The following RYR3 variants were observed in gnomAD, a reference collection of about 807,000 sequenced individuals.
RYR3 encodes ryanodine receptor 3.
A neutral mutation model predicts 584.3 loss-of-function variants in RYR3; 207 were observed. The ratio of observed to expected loss-of-function variants is 0.35; its 90% CI spans 0.32 to 0.40. RYR3 has a LOEUF of 0.40. Among genes scored for constraint, RYR3 ranks in the 10% least tolerant of loss-of-function variants. The pLI is 1.00. For synonymous variants in RYR3, 2,416 were observed against 2,248.5 expected, an observed-to-expected ratio of 1.07 and a Z score of -2.11; for missense variants, 5,616 against 6,089.2, an observed-to-expected ratio of 0.92 and a Z score of 2.59.
In RYR3 at chr15:33,810,981, G is replaced by A; in HGVS notation, c.10201G>A (p.Asp3401Asn). 6.2e-7 allele frequency: 1 copy of A among 1,606,872 alleles called. No individual in the cohort carries two copies. The highest frequency in any genetic ancestry group is 1.1e-5 in the South Asian group (1 of 88,846). The change falls in exon 72 of 104, where the codon GAC becomes AAC. Residue 3401 changes from aspartate (D) to asparagine (N), a missense_variant. Around this residue, in one of 9 missense-constraint regions of RYR3, gnomAD observed 954 missense variants for 1,132.2 expected, o/e 0.84. Transcript: ENST00000634891. ...SLAKSRYSHRDTDEEVREHLR... is the reference protein window; with the variant it reads ...SLAKSRYSHRNTDEEVREHLR... ...AATCTGACATCTCTTTCCACAGAGGGACACAGATGAAGAGGTCAGAGAACA... is the reference window on the plus strand; with the variant it reads ...AATCTGACATCTCTTTCCACAGAGGAACACAGATGAAGAGGTCAGAGAACA...
At chr15:33,783,011 T>G (rs547914689) in intron 65 of RYR3, among the ~76,000 whole-genome samples, 157 of 152,318 alleles carry the variant, frequency 1.0e-3, no homozygotes, top group Non-Finnish European at 1.9e-3. Context: ...GGAACTCTTT[T>G]CTCTTTGGTT....
intron 43 of RYR3, among the ~76,000 whole-genome samples, chr15:33,713,940 GA>G (rs1371734909): frequency 6.6e-6 from 1 of 152,100 alleles, no homozygotes; most frequent in Non-Finnish European, 1.5e-5. Flanking sequence ...TCGTCACCTG[GA>G]CAGTTAGGAT....
At chr15:33,788,141 C>T (rs767391587) in intron 66 of RYR3, 77 bp from the exon 67 acceptor site, 7 of 1,581,290 alleles carry the variant, frequency 4.4e-6, no homozygotes, top group Non-Finnish European at 6.1e-6. Flanking sequence ...TCCACGGCCT[C>T]ACCTTTCAGT....
At chr15:33,362,428 G>T (rs963269054) in intron 1 of RYR3, among the ~76,000 whole-genome samples, 1 of 152,148 alleles carries the variant, frequency 6.6e-6, no homozygotes, top group South Asian at 2.1e-4. Flanking sequence ...AGCAGCAGCA[G>T]CAGCAGCAGC....
In RYR3 at chr15:33,788,284, T is replaced by A; in HGVS notation, c.9656T>A (p.Leu3219Gln). The A allele has an allele frequency of 6.2e-7, 1 of 1,613,914 alleles. No homozygotes were observed. Among genetic ancestry groups the A allele is most frequent in the Non-Finnish European group, 8.5e-7 (1 of 1,179,856 alleles). ...CTGAGAAGCCACTTCATCCCAACTCTGGAGAAGCTGAAGAAAAAGGCTGTC... is the reference window on the plus strand; with the variant it reads ...CTGAGAAGCCACTTCATCCCAACTCAGGAGAAGCTGAAGAAAAAGGCTGTC... ...DLLRSHFIPT[L>Q]EKLKKKAVKT... Residue 3219 changes from leucine (L) to glutamine (Q), a missense_variant, in exon 67 of 104, where the codon CTG becomes CAG. By Grantham distance (113) the Leu-to-Gln change is moderately radical (BLOSUM62 -2). Transcript: ENST00000634891.
chr15:33,550,575 A>G (rs1351300498), intron 10 of RYR3, among the ~76,000 whole-genome samples: 1 of 152,256 alleles, frequency 6.6e-6, no homozygotes, highest in Non-Finnish European at 1.5e-5. Context: ...AGGAATGGAC[A>G]GTGTTGCTCA....
At chr15:33,664,138 C>G (rs535649748) in intron 36 of RYR3, among the ~76,000 whole-genome samples, 30 of 152,180 alleles carry the variant, frequency 2.0e-4, no homozygotes, top group African/African-American at 5.5e-4. Flanking sequence ...TCAACCTGCC[C>G]CTACTTATGA....
At position 33,722,690 on chromosome 15, in the gene RYR3, A is replaced by G. The variant is rs777439932; in HGVS notation, c.6620-25A>G. 21 of 1,605,564 alleles carry G rather than the reference A, an allele frequency of 1.3e-5. No individual in the cohort carries two copies. The Admixed American group carries it at 3.5e-4, about 27-fold the overall frequency. ...TCTGGGGTTGTCCTTTTCATTGAGA[A>G]GGAAACAGTGCCTGTCTTCCTCAGG... On this transcript the variant is annotated intron_variant, in intron 43 of 103. Coordinates refer to ENST00000634891, the MANE Select transcript of RYR3 (RefSeq NM_001036.6).
At chr15:33,795,006 T>C (rs747821164) in intron 67 of RYR3, among the ~76,000 whole-genome samples, 3 of 152,236 alleles carry the variant, frequency 2.0e-5, no homozygotes, top group Non-Finnish European at 2.9e-5. Context: ...TTCAAACCAT[T>C]TGAGCTCAAA....
At chr15:33,817,086 T>C in intron 75 of RYR3, 128 bp downstream of exon 75, 2 of 583,512 alleles carry the variant, frequency 3.4e-6, no homozygotes. Context: ...GCACTAACTG[T>C]GTAAGTGCTC....
At chr15:33,580,784 T>G (rs1450609079) in intron 13 of RYR3, among the ~76,000 whole-genome samples, 1 of 152,192 alleles carries the variant, frequency 6.6e-6, no homozygotes, top group Non-Finnish European at 1.5e-5. Flanking sequence ...ACAGGGCTTG[T>G]CCCTTGGGCA....
rs2071126318 is a variant in RYR3, at chr15:33,750,033, A to AAGCTGG, written c.8263_8268dup (p.Leu2755_Glu2756dup). The AAGCTGG allele has an allele frequency of 1.2e-6, 2 of 1,612,236 alleles. No individual in the cohort carries two copies. The highest frequency in any genetic ancestry group is 1.7e-6 in the Non-Finnish European group (2 of 1,179,332). On this transcript the variant is annotated inframe_insertion, in exon 56 of 104. Transcript: ENST00000634891. ...TCACAATATCTGGGCCAAGAAGAAG[A>AAGCTGG]AGCTGGAGCTGGAGAGCAAAGGTGA... is the stretch of plus-strand genomic sequence containing the variant.
intron 67 of RYR3, 97 bp from the exon 68 acceptor site, chr15:33,800,672 GA>G: frequency 1.2e-6 from 1 of 818,420 alleles, no homozygotes; most frequent in Non-Finnish European, 2.1e-6. Context: ...GTTTGATCTG[GA>G]TAAATGTATG....
chr15:33,518,587 A>G (rs998489803), intron 3 of RYR3, among the ~76,000 whole-genome samples: 3 of 152,152 alleles, frequency 2.0e-5, no homozygotes, highest in African/African-American at 7.2e-5. Context: ...CCAGTCGGTT[A>G]TCCTCCCATT....
At chr15:33,735,106 T>G (rs2069328680) in intron 48 of RYR3, among the ~76,000 whole-genome samples, 1 of 152,228 alleles carries the variant, frequency 6.6e-6, no homozygotes, top group Non-Finnish European at 1.5e-5. Flanking sequence ...AAACTGATAC[T>G]TAACTAGGTT....
chr15:33,463,915 C>CA (rs2142100120), intron 1 of RYR3, among the ~76,000 whole-genome samples: 1 of 152,290 alleles, frequency 6.6e-6, no homozygotes, highest in South Asian at 2.1e-4. Flanking sequence ...CAGATGAGAC[C>CA]AAAGACTGGA....
At chr15:33,810,834 G>A in intron 71 of RYR3, 144 bp from the exon 72 acceptor site, 1 of 1,071,642 alleles carries the variant, frequency 9.3e-7, no homozygotes, top group South Asian at 1.5e-5. Context: ...TGCCCTTTGG[G>A]ACAAATCTCC....
rs540108910 is a variant in RYR3 at position 33,425,893 on chromosome 15, T to A, written c.52-47526T>A. Among the ~76,000 whole-genome samples, 266 of 152,212 alleles carry A rather than the reference T, an allele frequency of 1.7e-3. 1 individual carries two copies. The highest frequency in any genetic ancestry group is 6.0e-3 in the African/African-American group (248 of 41,532). Reference sequence around the variant, plus strand: ...TCCTGACCTCGTGATCCGCCCGCCTTGGCCTCCCAAAGTGCTCGGATTACA... The same window carrying A: ...TCCTGACCTCGTGATCCGCCCGCCTAGGCCTCCCAAAGTGCTCGGATTACA... On this transcript the variant is annotated intron_variant, in intron 1 of 103. Transcript: ENST00000634891.
intron 87 of RYR3, among the ~76,000 whole-genome samples, chr15:33,836,294 C>T (rs1199646509): frequency 6.6e-6 from 1 of 151,876 alleles, no homozygotes; most frequent in African/African-American, 2.4e-5. Context: ...TTGTTTCCTA[C>T]TGTGACATAG....
Sources: gnomAD v4.1 joint callset for allele counts (sites outside exome capture counted in the v4.1 genomes callset) on GRCh38, gnomAD v4.1.1 for gene constraint, gnomAD v4.1.1 regional missense constraint, MANE v1.5 for transcripts, NCBI Gene and HGNC (gene_info 2026-07-23, HGNC 2026-07-21) for gene names.